RSRC1: variants seen among roughly 807,000 people sequenced by gnomAD.
The protein encoded by RSRC1 is serine/Arginine-related protein 53.
Under a neutral mutation model 49.1 loss-of-function variants are expected in RSRC1, and 39 were observed. The observed-to-expected ratio is 0.79, with a 90% CI of 0.61 to 1.04. RSRC1 has a LOEUF of 1.04. Among genes scored for constraint, RSRC1 ranks in the 50% least tolerant of loss-of-function variants. RSRC1 has a pLI of 0.00. For missense variants in RSRC1, 388 were observed against 402.4 expected, an observed-to-expected ratio of 0.96 and a Z score of 0.31; for synonymous variants, 143 against 130.8, an observed-to-expected ratio of 1.09 and a Z score of -0.63.
At chr3:158,194,767 A>G (rs1324277735) in intron 3 of RSRC1, among the ~76,000 whole-genome samples, 2 of 150,314 alleles carry the variant, frequency 1.3e-5, no homozygotes, top group Non-Finnish European at 2.9e-5. Context: ...TGTCCTTGCG[A>G]TAATTTGCTG....
chr3:158,458,519 A>G (rs1560051802), intron 6 of RSRC1, among the ~76,000 whole-genome samples: 1 of 152,298 alleles, frequency 6.6e-6, no homozygotes, highest in East Asian at 1.9e-4. Flanking sequence ...TGGAATAGAA[A>G]TGACTTTCTT....
chr3:158,217,640 T>C (rs943130459), intron 4 of RSRC1, among the ~76,000 whole-genome samples: 1 of 151,448 alleles, frequency 6.6e-6, no homozygotes, highest in African/African-American at 2.4e-5. Context: ...ATGCCCTCCC[T>C]CCATTTTGTC....
At chr3:158,335,852 C>T (rs1005256764) in intron 5 of RSRC1, among the ~76,000 whole-genome samples, 2 of 152,086 alleles carry the variant, frequency 1.3e-5, no homozygotes, top group Admixed American at 6.5e-5. Flanking sequence ...CAGTTAGAAT[C>T]TATGAAAAAT....
chr3:158,429,526 C>T (rs1735655853), intron 6 of RSRC1, among the ~76,000 whole-genome samples: 1 of 142,818 alleles, frequency 7.0e-6, no homozygotes, highest in South Asian at 2.4e-4. Context: ...TTCAATGGAT[C>T]AAAATATAAT....
rs896967849 is a variant in RSRC1 at position 158,351,326 on chromosome 3, G to A, written c.532-3531G>A. ...TTCATTCAACTTATTCACCAGTCAC[G>A]CTAAGAAAAGGCTATTTGCAGATGG... On this transcript the variant is annotated intron_variant, in intron 5 of 9. Transcript: ENST00000611884. Among the ~76,000 whole-genome samples the A allele has an allele frequency of 3.9e-5, 6 of 152,148 alleles. 1 individual carries two copies. The highest frequency in any genetic ancestry group is 7.2e-5 in the African/African-American group (3 of 41,440).
At chr3:158,461,517 C>G (rs1737610453) in intron 7 of RSRC1, among the ~76,000 whole-genome samples, 1 of 151,900 alleles carries the variant, frequency 6.6e-6, no homozygotes, top group East Asian at 1.9e-4. Context: ...CTAAACAAAT[C>G]TAACACATTT....
intron 3 of RSRC1, among the ~76,000 whole-genome samples, chr3:158,148,776 C>T (rs1046745265): frequency 2.0e-4 from 30 of 151,394 alleles, no homozygotes; most frequent in African/African-American, 6.3e-4. Flanking sequence ...CATTTGTATA[C>T]GAATATATAC....
At chr3:158,226,561 C>G (rs1381384162) in intron 4 of RSRC1, among the ~76,000 whole-genome samples, 1 of 151,906 alleles carries the variant, frequency 6.6e-6, no homozygotes, top group East Asian at 1.9e-4. Context: ...GTAGGTCTTT[C>G]TCAATCTGTG....
chr3:158,255,729 C>G (rs1219673962), intron 4 of RSRC1, among the ~76,000 whole-genome samples: 1 of 152,154 alleles, frequency 6.6e-6, no homozygotes, highest in Non-Finnish European at 1.5e-5. Flanking sequence ...TCTTTTATTT[C>G]GTTGAGCAGT....
intron 1 of RSRC1, among the ~76,000 whole-genome samples, chr3:158,121,750 A>G (rs1581408): frequency 0.67 from 102,495 of 152,070 alleles, 34,791 homozygotes; most frequent in East Asian, 0.83. Context: ...CAGATAATTG[A>G]TATAAAGAAC....
chr3:158,492,179 C>A (rs964936753), intron 7 of RSRC1, among the ~76,000 whole-genome samples: 1 of 152,126 alleles, frequency 6.6e-6, no homozygotes, highest in African/African-American at 2.4e-5. Flanking sequence ...AGAACTCACT[C>A]ACTATTACAA....
chr3:158,161,590 C>T (rs1271572633), intron 3 of RSRC1, among the ~76,000 whole-genome samples: 2 of 151,920 alleles, frequency 1.3e-5, no homozygotes, highest in Non-Finnish European at 2.9e-5. Context: ...GGTGAAACTC[C>T]ATCTCTACTA....
intron 3 of RSRC1, among the ~76,000 whole-genome samples, chr3:158,143,607 T>A (rs1305848179): frequency 6.6e-6 from 1 of 152,220 alleles, no homozygotes; most frequent in Non-Finnish European, 1.5e-5. Flanking sequence ...TAAAATTTTT[T>A]TAGGCAATAG....
rs183158005 is a variant in RSRC1 at position 158,283,765 on chromosome 3, C to T, written c.495-14274C>T. ...ACGTGTATTGTTGAGAATGTTGATA[C>T]ATTCTCCCAATTGCCCTCCAGAAAA... is the stretch of plus-strand genomic sequence containing the variant. On this transcript the variant is annotated intron_variant, in intron 4 of 9. Coordinates refer to ENST00000611884, the MANE Select transcript of RSRC1 (RefSeq NM_001271838.2). Among the ~76,000 whole-genome samples the T allele has an allele frequency of 1.9e-3, 284 of 152,212 alleles. 2 individuals are homozygous for T. Among genetic ancestry groups the T allele is most frequent in the African/African-American group, 6.6e-3 (275 of 41,524 alleles).
intron 4 of RSRC1, among the ~76,000 whole-genome samples, chr3:158,208,543 T>G (rs1721479292): frequency 1.3e-5 from 2 of 152,140 alleles, no homozygotes; most frequent in Admixed American, 6.5e-5. Flanking sequence ...TTTTTATTCT[T>G]TATTTTTTCT....
chr3:158,143,724 G>C (rs1327490790), intron 3 of RSRC1, among the ~76,000 whole-genome samples: 2 of 152,046 alleles, frequency 1.3e-5, no homozygotes, highest in African/African-American at 4.8e-5. Flanking sequence ...CCTTGAATTA[G>C]GGGTAATAAA....
chr3:158,182,369 CT>C (rs1333323571), intron 3 of RSRC1, among the ~76,000 whole-genome samples: 1 of 152,134 alleles, frequency 6.6e-6, no homozygotes, highest in Non-Finnish European at 1.5e-5. Context: ...AATACTTTTT[CT>C]TAGGTGATAG....
intron 4 of RSRC1, among the ~76,000 whole-genome samples, chr3:158,279,526 A>G (rs1403205243): frequency 2.0e-5 from 3 of 152,256 alleles, no homozygotes; most frequent in African/African-American, 4.8e-5. Context: ...TTTCGGCTCA[A>G]TAGAATAAGC....
chr3:158,515,942 A>C (rs1740499467), intron 7 of RSRC1, among the ~76,000 whole-genome samples: 1 of 150,904 alleles, frequency 6.6e-6, no homozygotes, highest in African/African-American at 2.4e-5. Context: ...CTTGGTTTTC[A>C]GCTCCATCAG....
Sources: gnomAD v4.1 joint callset for allele counts (sites outside exome capture counted in the v4.1 genomes callset) on GRCh38, gnomAD v4.1.1 for gene constraint, MANE v1.5 for transcripts, NCBI Gene and HGNC (gene_info 2026-07-23, HGNC 2026-07-21) for gene names.